Variants in DIP2C observed in about 807,000 individuals in gnomAD.
DIP2C encodes the protein disco-interacting protein 2 homolog C.
In DIP2C, 33 loss-of-function variants were observed where a neutral mutation model predicts 192.4. The observed-to-expected ratio is 0.17, with a 90% CI of 0.13 to 0.23. The LOEUF (loss-of-function observed/expected upper bound fraction) is 0.23, where lower values mean the gene tolerates loss of function less well. Ranked by LOEUF, DIP2C falls within the 10% of genes least tolerant of loss-of-function variation. The pLI, the probability that DIP2C is intolerant of heterozygous loss-of-function variation, is 1.00. For missense variants in DIP2C, 1,537 were observed against 2,110.1 expected (o/e 0.73, Z 5.32); for synonymous variants, 979 against 864.1 (o/e 1.13, Z -2.33).
At chr10:365,292 G>T (rs571734290) in intron 19 of DIP2C, among the ~76,000 whole-genome samples, 44 of 152,336 alleles carry the variant, frequency 2.9e-4, no homozygotes, top group African/African-American at 9.6e-4. Context: ...CGGCACTTTA[G>T]GAGGCTAAGA....
chr10:448,262 C>G (rs1356082847), intron 3 of DIP2C, among the ~76,000 whole-genome samples: 1 of 132,584 alleles, frequency 7.5e-6, no homozygotes, highest in Non-Finnish European at 1.5e-5. Flanking sequence ...GCAGGACCCA[C>G]TCATCCCTGT....
intron 1 of DIP2C, among the ~76,000 whole-genome samples, chr10:555,643 G>A (rs1436327803): frequency 6.6e-6 from 1 of 152,308 alleles, no homozygotes; most frequent in African/African-American, 2.4e-5. Flanking sequence ...GACCAGCCAC[G>A]TGAGGGGAAC....
intron 1 of DIP2C, among the ~76,000 whole-genome samples, chr10:679,411 C>T (rs1831028725): frequency 2.6e-5 from 2 of 76,478 alleles, no homozygotes; most frequent in African/African-American, 5.4e-5. Flanking sequence ...TCCCCACACC[C>T]AGGCTCCCCG....
chr10:501,395 CTTG>C (rs986912618), intron 1 of DIP2C, among the ~76,000 whole-genome samples: 4 of 152,164 alleles, frequency 2.6e-5, no homozygotes, highest in South Asian at 2.1e-4. Context: ...ATGAGTAGAA[CTTG>C]TTAAGATCTC....
At chr10:401,836 G>A (rs1420841100) in intron 9 of DIP2C, among the ~76,000 whole-genome samples, 8 of 151,268 alleles carry the variant, frequency 5.3e-5, no homozygotes, top group African/African-American at 1.7e-4. Flanking sequence ...TTACACGTGT[G>A]GCAGCATTAG....
At chr10:317,952 AGAG>A (rs1956847291) in intron 31 of DIP2C, among the ~76,000 whole-genome samples, 1 of 152,366 alleles carries the variant, frequency 6.6e-6, no homozygotes, top group East Asian at 1.9e-4. Context: ...AACCAGAGAA[AGAG>A]GAGGCATCGC....
At chr10:333,338 C>T (rs1438733465) in intron 29 of DIP2C, among the ~76,000 whole-genome samples, 1 of 152,216 alleles carries the variant, frequency 6.6e-6, no homozygotes, top group Non-Finnish European at 1.5e-5. Context: ...ACATTCCCAT[C>T]ACCTGAAAGG....
Position 390,815 on chromosome 10 carries a change from T to G in DIP2C, c.1309A>C (p.Thr437Pro). The change falls in exon 11 of 37, where the codon ACT (threonine) becomes CCT (proline). Residue 437 changes from threonine (T) to proline (P), a missense_variant. Coordinates refer to ENST00000280886, the MANE Select transcript of DIP2C (RefSeq NM_014974.3). ...CAGGCGTCACTAGTCAAGGCTACAGTAACTCCACAGCTTCCAAGCAAGAAA... is the reference window on the plus strand; with the variant it reads ...CAGGCGTCACTAGTCAAGGCTACAGGAACTCCACAGCTTCCAAGCAAGAAA... Reference protein sequence around the residue: ...IGFLLGSCGVTVALTSDACHK... With the variant: ...IGFLLGSCGVPVALTSDACHK... 1 of 1,614,126 alleles carries G rather than the reference T, an allele frequency of 6.2e-7. No individual in the cohort carries two copies. Among genetic ancestry groups the G allele is most frequent in the Non-Finnish European group, 8.5e-7 (1 of 1,180,010 alleles).
intron 10 of DIP2C, among the ~76,000 whole-genome samples, chr10:397,561 T>G (rs967731512): frequency 2.7e-5 from 4 of 148,864 alleles, no homozygotes; most frequent in Non-Finnish European, 5.9e-5. Context: ...AGGGAGCTGA[T>G]GGTTTAAGGG....
chr10:415,648 C>T, intron 7 of DIP2C, 121 bp downstream of exon 7: 1 of 1,383,802 alleles, frequency 7.2e-7, no homozygotes, highest in South Asian at 1.4e-5. Context: ...GGGTTCCCAT[C>T]ATGCGGCAAA....
intron 2 of DIP2C, among the ~76,000 whole-genome samples, chr10:478,950 T>TC (rs1233578287): frequency 6.6e-6 from 1 of 152,128 alleles, no homozygotes; most frequent in African/African-American, 2.4e-5. Context: ...TCTCCTGCCC[T>TC]CCTTCCCCAG....
Position 310,105 on chromosome 10 carries a change from A to T in DIP2C, c.3925-13T>A. 1 of 1,614,014 alleles carries T rather than the reference A, an allele frequency of 6.2e-7. No individual in the cohort carries two copies. The highest frequency in any genetic ancestry group is 1.1e-5 in the South Asian group (1 of 91,066). On this transcript the variant is annotated splice_polypyrimidine_tract_variant and intron_variant, in intron 31 of 36. Coordinates refer to ENST00000280886, the MANE Select transcript of DIP2C (RefSeq NM_014974.3). ...GTCCTGAGGTTCCCTGCAAGCAACA[A>T]CAGAGTGGTTAACTCAAGTTTACAT...
intron 31 of DIP2C, among the ~76,000 whole-genome samples, chr10:323,257 C>T (rs376795220): frequency 1.9e-3 from 61 of 32,900 alleles, no homozygotes; most frequent in East Asian, 0.017. Context: ...GGGGCTCCGG[C>T]GAGAGACCGG....
At chr10:415,725 C>G (rs1965584400) in intron 7 of DIP2C, 44 bp downstream of exon 7, 1 of 1,609,840 alleles carries the variant, frequency 6.2e-7, no homozygotes, top group Non-Finnish European at 8.5e-7. Context: ...TTTACGGGAC[C>G]ATAGGAGCAT....
At position 384,657 on chromosome 10, in the gene DIP2C, A is replaced by ACACGCAGGGTGAGCATGGAGGGG. The variant is rs1394508235; in HGVS notation, c.1663-41_1663-19dup. 2 of 1,613,226 alleles carry ACACGCAGGGTGAGCATGGAGGGG rather than the reference A, an allele frequency of 1.2e-6. No individual in the cohort carries two copies. The highest frequency in any genetic ancestry group is 1.1e-5 in the South Asian group (1 of 91,054). ...ATGACGCTCTGCAATCAACAAAGGAACACGCAGGGTGAGCATGGAGGGGCA... is the reference window on the plus strand; with the variant it reads ...ATGACGCTCTGCAATCAACAAAGGAACACGCAGGGTGAGCATGGAGGGGCACGCAGGGTGAGCATGGAGGGGCA... On this transcript the variant is annotated intron_variant, in intron 14 of 36. Transcript: ENST00000280886.
chr10:348,653 C>T lies in DIP2C; in HGVS notation c.3219G>A (p.Lys1073=), dbSNP rs745971940. 6 of 1,613,318 alleles carry T rather than the reference C, an allele frequency of 3.7e-6. No individual in the cohort carries two copies. The highest frequency in any genetic ancestry group is 1.7e-5 in the Admixed American group (1 of 59,862). The change falls in exon 26 of 37, where the codon AAG becomes AAA. Residue 1073 remains lysine (K), a synonymous_variant. Transcript: ENST00000280886. ...QNIATTLPTV[K]MIVEVSRSAC... is the part of the protein sequence containing the mutation. The stretch of plus-strand genomic sequence containing the variant: ...CCAGGCATGTTACCTCCACAATCAT[C>T]TTGACGGTAGGCAACGTCGTCGCGA...
intron 1 of DIP2C, among the ~76,000 whole-genome samples, chr10:582,148 C>A (rs1322688507): frequency 6.6e-6 from 1 of 152,208 alleles, no homozygotes; most frequent in African/African-American, 2.4e-5. Context: ...ACCGGCCACC[C>A]ACCCCCTGCT....
intron 17 of DIP2C, among the ~76,000 whole-genome samples, chr10:371,623 T>C (rs1960965846): frequency 8.2e-6 from 1 of 122,044 alleles, no homozygotes; most frequent in African/African-American, 3.6e-5. Flanking sequence ...CCAGGGCGGA[T>C]CGCTGAGCAG....
At chr10:341,158 C>T (rs1379817850) in intron 29 of DIP2C, 41 bp downstream of exon 29, 1 of 1,612,898 alleles carries the variant, frequency 6.2e-7, no homozygotes, top group Non-Finnish European at 8.5e-7. Flanking sequence ...GAGGAAGGTG[C>T]ATGATTTTTT....
Sources: allele counts gnomAD v4.1 joint callset (sites outside exome capture counted in the v4.1 genomes callset), GRCh38; gene constraint gnomAD v4.1.1; transcripts MANE v1.5; gene names NCBI Gene and HGNC (gene_info 2026-07-23, HGNC 2026-07-21).